Variants in CACNA1C observed in about 807,000 individuals in gnomAD.
The protein encoded by CACNA1C is calcium voltage-gated channel subunit alpha1 C.
CACNA1C carries 30 observed loss-of-function variants against 229.0 expected under a neutral mutation model. The observed-to-expected ratio is 0.13, with a 90% CI of 0.10 to 0.18. The LOEUF is 0.18. Ranked by LOEUF, CACNA1C falls within the 10% of genes least tolerant of loss-of-function variation. CACNA1C has a pLI of 1.00. For missense variants in CACNA1C, 1,658 were observed against 2,845.0 expected, an observed-to-expected ratio of 0.58 and a Z score of 9.49; for synonymous variants, 1,114 against 1,132.5, an observed-to-expected ratio of 0.98 and a Z score of 0.33.
intron 3 of CACNA1C, among the ~76,000 whole-genome samples, chr12:2,263,459 T>G (rs576996873): frequency 1.2e-4 from 18 of 151,996 alleles, no homozygotes; most frequent in Middle Eastern, 3.4e-3. Flanking sequence ...GGGTGAAGTG[T>G]GAAGCTAGTG....
chr12:2,107,075 C>CGGGG (rs2079221497), intron 1 of CACNA1C, among the ~76,000 whole-genome samples: 2 of 94,542 alleles, frequency 2.1e-5, no homozygotes, highest in African/African-American at 7.6e-5. Context: ...GTGCTCACCC[C>CGGGG]AGGGAGGGTT....
At position 2,467,758 on chromosome 12, in the gene CACNA1C, C is replaced by T. The variant is rs920822613; in HGVS notation, c.757+10052C>T. Among the ~76,000 whole-genome samples the T allele has an allele frequency of 4.6e-5, 7 of 152,222 alleles. No individual in the cohort carries two copies. The highest frequency in any genetic ancestry group is 1.0e-4 in the Non-Finnish European group (7 of 68,036). The stretch of plus-strand genomic sequence containing the variant: ...CAGTGTGGACGGTCTTTCCCCTTGA[C>T]TGCTGCATCCCCAGTTAAGCAACTC... On this transcript the variant is annotated intron_variant, in intron 5 of 46. Transcript: ENST00000399655. The surrounding 1 kb of genome is among the most constrained non-coding windows in gnomAD (Gnocchi z 4.6).
In CACNA1C at chr12:2,354,913, A is replaced by G. The variant is rs970743296; in HGVS notation, c.478-94063A>G. On this transcript the variant is annotated intron_variant, in intron 3 of 46. Transcript: ENST00000399655. This position sits in a 1 kb window ranked among gnomAD's most constrained non-coding sequence, Gnocchi z 4.6. Reference sequence around the variant, plus strand: ...TTTGGTGAGGAAATTTACATTACCCAGGTGTGCACTTGGGCAGGCTGAGCG... The same window carrying G: ...TTTGGTGAGGAAATTTACATTACCCGGGTGTGCACTTGGGCAGGCTGAGCG... Among the ~76,000 whole-genome samples, 2 of 150,844 alleles carry G rather than the reference A, an allele frequency of 1.3e-5. No individual in the cohort carries two copies. Among genetic ancestry groups the G allele is most frequent in the Non-Finnish European group, 3.0e-5 (2 of 67,692 alleles).
rs900095620 is a variant in CACNA1C at position 2,347,634 on chromosome 12, C to T, written c.478-101342C>T. On this transcript the variant is annotated intron_variant, in intron 3 of 46. Coordinates refer to ENST00000399655, the MANE Select transcript of CACNA1C (RefSeq NM_000719.7). ...TCCTAGAGGACAGGAGCCCAGGACC[C>T]GTGGGGGCCAGTCTCATAGCTCCTG... 7.2e-5 allele frequency among the ~76,000 whole-genome samples: 11 copies of T among 152,320 alleles called. No individual in the cohort carries two copies. The East Asian group carries it at 1.2e-3, about 16-fold the overall frequency.
chr12:2,235,394 C>T (rs117388872), intron 3 of CACNA1C, among the ~76,000 whole-genome samples: 1,673 of 152,342 alleles, frequency 0.011, 14 homozygotes, highest in Non-Finnish European at 0.018. Context: ...GGGCACTGCA[C>T]CAACCCTGAT....
chr12:2,331,624 C>T lies in CACNA1C; in HGVS notation c.478-117352C>T, dbSNP rs190793089. Among the ~76,000 whole-genome samples the T allele has an allele frequency of 1.9e-3, 282 of 152,286 alleles. 2 individuals are homozygous for T. Among genetic ancestry groups the T allele is most frequent in the African/African-American group, 6.3e-3 (262 of 41,576 alleles). ...CGACATACGGAAGTTAGTGAATAAA[C>T]GGGGCAGAATGAGGAAAACTTTTCC... On this transcript the variant is annotated intron_variant, in intron 3 of 46. Transcript: ENST00000399655.
chr12:2,565,130 T>G (rs1297997035), intron 11 of CACNA1C, among the ~76,000 whole-genome samples: 1 of 152,158 alleles, frequency 6.6e-6, no homozygotes, highest in African/African-American at 2.4e-5. Flanking sequence ...AGCCACTGGT[T>G]CTCAACCATC....
chr12:2,115,807 T>G (rs2154137815), intron 2 of CACNA1C, among the ~76,000 whole-genome samples: 1 of 152,370 alleles, frequency 6.6e-6, no homozygotes, highest in African/African-American at 2.4e-5. Context: ...TTGTTTTTTG[T>G]TTTTTTCATA....
At chr12:2,186,710 TG>T (rs2097028019) in intron 3 of CACNA1C, among the ~76,000 whole-genome samples, 1 of 152,204 alleles carries the variant, frequency 6.6e-6, no homozygotes, top group Non-Finnish European at 1.5e-5. Context: ...GATTACTATA[TG>T]CCAGGTACTA....
In CACNA1C at chr12:2,685,810, C is replaced by T. The variant is rs578233776; in HGVS notation, c.5648C>T (p.Pro1883Leu). The change falls in exon 44 of 47, where the codon CCG becomes CTG. Residue 1883 changes from proline to leucine, a missense_variant. Pro to Leu is a moderately conservative substitution (Grantham distance 98). Around this residue, in one of 20 missense-constraint regions of CACNA1C, gnomAD observed 590 missense variants for 700.8 expected, o/e 0.84. Transcript: ENST00000399655. Reference sequence around the variant, plus strand: ...GACAAGAGGGACATCCGGCAATCTCCGAAGAGGGGTTTCCTCCGCTCTGCC... The same window carrying T: ...GACAAGAGGGACATCCGGCAATCTCTGAAGAGGGGTTTCCTCCGCTCTGCC... ...EEDKRDIRQSPKRGFLRSASL... is the reference protein window; with the variant it reads ...EEDKRDIRQSLKRGFLRSASL... 1.2e-5 allele frequency: 20 copies of T among 1,613,600 alleles called. No individual in the cohort carries two copies. Among genetic ancestry groups the T allele is most frequent in the African/African-American group, 8.0e-5 (6 of 75,034 alleles).
intron 3 of CACNA1C, among the ~76,000 whole-genome samples, chr12:2,286,678 C>T (rs2092726837): frequency 6.6e-6 from 1 of 152,172 alleles, no homozygotes; most frequent in African/African-American, 2.4e-5. Context: ...CCCCCGAGAG[C>T]ACTGTGGCCA....
intron 3 of CACNA1C, among the ~76,000 whole-genome samples, chr12:2,439,032 C>T (rs188558667): frequency 6.6e-6 from 1 of 152,324 alleles, no homozygotes; most frequent in Non-Finnish European, 1.5e-5. Context: ...TCACCCTCTC[C>T]ACTCCATTGC....
intron 34 of CACNA1C, among the ~76,000 whole-genome samples, chr12:2,657,034 C>T (rs1379987866): frequency 6.6e-6 from 1 of 152,132 alleles, no homozygotes; most frequent in African/African-American, 2.4e-5. Context: ...AGTAGTCAAG[C>T]AAAATAGAGA....
intron 4 of CACNA1C, among the ~76,000 whole-genome samples, chr12:2,456,349 CAG>C (rs1339982036): frequency 1.3e-5 from 2 of 152,238 alleles, no homozygotes; most frequent in Admixed American, 6.5e-5. Flanking sequence ...TCGCCCCCGA[CAG>C]GGGAGTCTCC....
intron 3 of CACNA1C, chr12:2,220,608 G>A (rs1043343316): frequency 6.6e-6 from 1 of 152,284 alleles, no homozygotes; most frequent in Non-Finnish European, 1.5e-5. Flanking sequence ...TTACTGACCA[G>A]TCTTGACTCA....
intron 43 of CACNA1C, among the ~76,000 whole-genome samples, chr12:2,683,270 C>T (rs1364359107): frequency 6.6e-6 from 1 of 152,198 alleles, no homozygotes; most frequent in Non-Finnish European, 1.5e-5. Flanking sequence ...TATCAGAATG[C>T]GTCAAACGTC....
Position 2,405,725 on chromosome 12 carries a change from C to T in CACNA1C, c.478-43251C>T, listed in dbSNP as rs547873309. 7.2e-5 allele frequency among the ~76,000 whole-genome samples: 11 copies of T among 152,270 alleles called. No individual in the cohort carries two copies. In the East Asian group the frequency reaches 2.1e-3, roughly 29 times the overall value. On this transcript the variant is annotated intron_variant, in intron 3 of 46. Coordinates refer to ENST00000399655, the MANE Select transcript of CACNA1C (RefSeq NM_000719.7). ...CCTCACCCATTTATGATAGAATTGCCTTAGGTATTTCCTCCACACACATGA... is the reference window on the plus strand; with the variant it reads ...CCTCACCCATTTATGATAGAATTGCTTTAGGTATTTCCTCCACACACATGA...
At chr12:2,522,756 A>G (rs1447137126) in intron 9 of CACNA1C, among the ~76,000 whole-genome samples, 1 of 152,130 alleles carries the variant, frequency 6.6e-6, no homozygotes, top group African/African-American at 2.4e-5. Context: ...GGGCAGAGGC[A>G]TGAGAGGGGA....
intron 1 of CACNA1C, among the ~76,000 whole-genome samples, chr12:2,109,873 A>G (rs1481077417): frequency 6.6e-6 from 1 of 152,152 alleles, no homozygotes. Flanking sequence ...ATGGCTTGAG[A>G]ATAAGCCCAT....
Sources: allele counts gnomAD v4.1 joint callset (sites outside exome capture counted in the v4.1 genomes callset), GRCh38; gene constraint gnomAD v4.1.1; regional missense constraint gnomAD v4.1.1; non-coding constraint Gnocchi (gnomAD v3.1); transcripts MANE v1.5; gene names NCBI Gene and HGNC (gene_info 2026-07-23, HGNC 2026-07-21).